Variants in RFT1 observed in about 807,000 individuals in gnomAD.
RFT1 encodes the protein man(5)GlcNAc(2)-PP-dolichol translocation protein RFT1.
A neutral mutation model predicts 62.2 loss-of-function variants in RFT1; 43 were observed. That is an observed-to-expected ratio of 0.69 (90% CI 0.54 to 0.89). The LOEUF (loss-of-function observed/expected upper bound fraction) is 0.89. RFT1 is among the 40% of genes least tolerant of loss of function. The probability of loss-of-function intolerance (pLI) is 0.00; values close to 1 mark genes in which losing one functional copy is unlikely to be tolerated. For missense variants in RFT1, 605 were observed against 649.9 expected (o/e 0.93, Z 0.75); for synonymous variants, 262 against 264.6 (o/e 0.99, Z 0.10).
chr3:53,072,273 T>C, the RFT1 span, among the ~76,000 whole-genome samples: 1 of 152,104 alleles, frequency 6.6e-6, no homozygotes, highest in Admixed American at 6.5e-5. Flanking sequence ...CTCAGCATCA[T>C]CCTGCCCGGG....
chr3:53,094,874 G>C (rs1427182228), intron 11 of RFT1, among the ~76,000 whole-genome samples: 1 of 152,062 alleles, frequency 6.6e-6, no homozygotes, highest in Non-Finnish European at 1.5e-5. Context: ...ACTAGAAGAG[G>C]GCCCTGCAGC....
chr3:53,122,535 A>G lies in RFT1; in HGVS notation c.295T>C (p.Phe99Leu). Residue 99 changes from phenylalanine (F) to leucine (L), a missense_variant, in exon 4 of 13, where the codon TTC becomes CTC. Transcript: ENST00000296292. ...TVPLGVFWSLFLGWIWLQLLE... is the reference protein window; with the variant it reads ...TVPLGVFWSLLLGWIWLQLLE... ...AGCTGCAACCAGATCCAGCCCAGGA[A>G]TAAGGACCAAAACACACCCAGGGGG... The G allele has an allele frequency of 6.2e-7, 1 of 1,613,640 alleles. No individual in the cohort carries two copies. The highest frequency in any genetic ancestry group is 8.5e-7 in the Non-Finnish European group (1 of 1,179,642).
Position 53,091,659 on chromosome 3 carries a change from T to TGA in RFT1, c.*242_*243dup. 1.9e-6 allele frequency: 1 copy of TGA among 539,314 alleles called. No homozygotes were observed. 33.4% of individuals were successfully genotyped at this position (539,314 alleles called of 1,614,324 possible). A position where few individuals can be genotyped will look rare whatever the true frequency, so the allele number is the denominator to read the frequency against. On this transcript the variant is annotated 3_prime_UTR_variant, in exon 13 of 13. Transcript: ENST00000296292. ...AGAGAAAATGCTGATTACTATAAAA[T>TGA]GATAAAAAACTATTATTTTTAAAGG...
chr3:53,120,477 T>C (rs1342144194), intron 5 of RFT1, among the ~76,000 whole-genome samples: 2 of 152,182 alleles, frequency 1.3e-5, no homozygotes, highest in Admixed American at 6.5e-5. Context: ...CATTAATGAT[T>C]ACAAAGCACA....
chr3:53,125,886 T>A (rs1702094314), intron 2 of RFT1, 23 bp downstream of exon 2: 1 of 1,587,308 alleles, frequency 6.3e-7, no homozygotes, highest in African/African-American at 1.3e-5. Flanking sequence ...ACTCTGACAG[T>A]GCCAGGGTGC....
intron 6 of RFT1, among the ~76,000 whole-genome samples, chr3:53,119,303 C>A (rs2107155523): frequency 6.6e-6 from 1 of 152,298 alleles, no homozygotes; most frequent in East Asian, 1.9e-4. Flanking sequence ...ACCAAAACCA[C>A]AGCAGAATAG....
At chr3:53,081,477 G>T in the RFT1 span, among the ~76,000 whole-genome samples, 1 of 152,186 alleles carries the variant, frequency 6.6e-6, no homozygotes, top group African/African-American at 2.4e-5. Flanking sequence ...AGGAAGCCTT[G>T]CTGCGGCTTG....
chr3:53,120,063 G>C (rs764879968), intron 5 of RFT1, 42 bp from the exon 6 acceptor site: 1 of 1,521,764 alleles, frequency 6.6e-7, no homozygotes, highest in South Asian at 1.2e-5. Flanking sequence ...GCATAATTAA[G>C]ATATGCCTAT....
intron 11 of RFT1, among the ~76,000 whole-genome samples, chr3:53,097,319 G>A (rs549916347): frequency 6.6e-6 from 1 of 152,152 alleles, no homozygotes; most frequent in South Asian, 2.1e-4. Context: ...CTGGGGCCAG[G>A]GGCCCAGAAA....
At chr3:53,071,865 A>G in the RFT1 span, among the ~76,000 whole-genome samples, 1 of 152,210 alleles carries the variant, frequency 6.6e-6, no homozygotes, top group African/African-American at 2.4e-5. Context: ...AAAGACTCAA[A>G]AGCAGGTCCT....
chr3:53,083,396 G>A, the RFT1 span, among the ~76,000 whole-genome samples: 3 of 150,172 alleles, frequency 2.0e-5, no homozygotes, highest in African/African-American at 7.4e-5. Flanking sequence ...TCAGGAGGCT[G>A]AGGTGGGAGG....
chr3:53,072,495 C>T, the RFT1 span, among the ~76,000 whole-genome samples: 2 of 152,190 alleles, frequency 1.3e-5, no homozygotes, highest in African/African-American at 4.8e-5. Flanking sequence ...GCCTCTGTTT[C>T]CACACTGCAC....
At chr3:53,126,262 C>A (rs201983821) in intron 1 of RFT1, among the ~76,000 whole-genome samples, 1 of 152,156 alleles carries the variant, frequency 6.6e-6, no homozygotes, top group South Asian at 2.1e-4. Flanking sequence ...AACCAAGAGG[C>A]CCCAATAGAC....
At chr3:53,115,798 C>T (rs1701775203) in intron 6 of RFT1, among the ~76,000 whole-genome samples, 1 of 152,220 alleles carries the variant, frequency 6.6e-6, no homozygotes, top group Admixed American at 6.5e-5. Context: ...TTCAGCAGTC[C>T]TTCCTCTGTG....
chr3:53,081,743 A>C, the RFT1 span, among the ~76,000 whole-genome samples: 2 of 152,200 alleles, frequency 1.3e-5, no homozygotes, highest in African/African-American at 4.8e-5. Context: ...TTTCTTTGTA[A>C]TGTACCATAA....
downstream of RFT1, among the ~76,000 whole-genome samples, chr3:53,085,059 C>T (rs928692743): frequency 7.0e-6 from 1 of 142,258 alleles, no homozygotes; most frequent in Admixed American, 8.1e-5. Context: ...GCTTTGCACT[C>T]AGAAGCAAGG....
In RFT1 at chr3:53,121,810, T is replaced by C; in HGVS notation, c.457-10A>G. ...GGCTCTCTGCAATCACCTGCAAACA[T>C]GTGGTTAAGGTGCAGTTTACAAACA... On this transcript the variant is annotated splice_polypyrimidine_tract_variant and intron_variant, in intron 4 of 12. Coordinates refer to ENST00000296292, the MANE Select transcript of RFT1 (RefSeq NM_052859.4). The C allele has an allele frequency of 1.2e-6, 2 of 1,605,284 alleles. No individual in the cohort carries two copies. Among genetic ancestry groups the C allele is most frequent in the Non-Finnish European group, 1.7e-6 (2 of 1,173,730 alleles).
intron 7 of RFT1, among the ~76,000 whole-genome samples, chr3:53,108,642 C>A (rs547147274): frequency 6.6e-6 from 1 of 152,066 alleles, no homozygotes; most frequent in African/African-American, 2.4e-5. Context: ...CTCGGCCTCC[C>A]AAAGTGCTGG....
the RFT1 span, among the ~76,000 whole-genome samples, chr3:53,070,410 T>G: frequency 1.4e-5 from 2 of 141,506 alleles, no homozygotes; most frequent in East Asian, 2.1e-4. Flanking sequence ...TTTTTTTTTT[T>G]TTTTTTTTTG....
Sources: allele counts gnomAD v4.1 joint callset (sites outside exome capture counted in the v4.1 genomes callset), GRCh38; gene constraint gnomAD v4.1.1; transcripts MANE v1.5; gene names NCBI Gene and HGNC (gene_info 2026-07-23, HGNC 2026-07-21).